BCO1: variants seen among roughly 807,000 people sequenced by gnomAD.
BCO1 encodes the protein beta,beta-carotene 15,15'-dioxygenase.
Under a neutral mutation model 56.3 loss-of-function variants are expected in BCO1, and 54 were observed. The observed-to-expected ratio is 0.96, with a 90% confidence interval of 0.77 to 1.20. BCO1 has a LOEUF of 1.20. Ranked by LOEUF, BCO1 falls within the 50% of genes most tolerant of loss-of-function variation. BCO1 has a pLI of 0.00. For synonymous variants in BCO1, 318 were observed against 266.1 expected (o/e 1.20, Z -1.90); for missense variants, 801 against 690.9 (o/e 1.16, Z -1.79).
At chr16:81,259,161 A>G (rs1282918180) in intron 2 of BCO1, among the ~76,000 whole-genome samples, 1 of 152,182 alleles carries the variant, frequency 6.6e-6, no homozygotes, top group Non-Finnish European at 1.5e-5. Context: ...TTATCCAGCC[A>G]TACTGTTGTG....
chr16:81,283,899 T>C (rs930694384), intron 8 of BCO1, among the ~76,000 whole-genome samples: 1 of 151,710 alleles, frequency 6.6e-6, no homozygotes, highest in African/African-American at 2.4e-5. Context: ...TATATACACA[T>C]TTACGGCCAA....
intron 5 of BCO1, among the ~76,000 whole-genome samples, chr16:81,266,759 G>T (rs1302450251): frequency 6.6e-6 from 1 of 152,156 alleles, no homozygotes; most frequent in African/African-American, 2.4e-5. Context: ...TGCAAGCAGA[G>T]ATCCTCTGAG....
At chr16:81,262,516 C>CA in intron 4 of BCO1, 1 of 526,988 alleles carries the variant, frequency 1.9e-6, no homozygotes, top group South Asian at 1.9e-5. Flanking sequence ...CCAAGTCCTA[C>CA]AAAAAAGATT....
Position 81,285,566 on chromosome 16 carries a change from G to T in BCO1, c.1234G>T (p.Ala412Ser). ...EGLELPRVNY[A>S]HNGKQYRYVF... ...CTTAGAGCTTCCACGGGTCAATTAT[G>T]CTCACAATGGAAAGCAATACCGATA... Residue 412 changes from alanine (A) to serine (S), a missense_variant, in exon 9 of 11, where the codon GCT becomes TCT. Transcript: ENST00000258168. The T allele has an allele frequency of 6.2e-7, 1 of 1,613,730 alleles. No homozygotes were observed. Among genetic ancestry groups the T allele is most frequent in the Non-Finnish European group, 8.5e-7 (1 of 1,179,622 alleles).
At chr16:81,256,523 A>G (rs1179313392) in intron 2 of BCO1, among the ~76,000 whole-genome samples, 2 of 152,194 alleles carry the variant, frequency 1.3e-5, no homozygotes, top group Non-Finnish European at 2.9e-5. Context: ...GTCATTTGCG[A>G]ATTAACAGCA....
In BCO1 at chr16:81,270,177, G is replaced by C; in HGVS notation, c.862G>C (p.Asp288His). The C allele has an allele frequency of 6.2e-7, 1 of 1,614,064 alleles. No individual in the cohort carries two copies. The highest frequency in any genetic ancestry group is 8.5e-7 in the Non-Finnish European group (1 of 1,180,024). Reference protein sequence around the residue: ...REEKTYIHIIDQRTRQPVQTK... With the variant: ...REEKTYIHIIHQRTRQPVQTK... ...TTTTCAGACTTATATCCACATCATC[G>C]ACCAAAGGACCAGGCAGCCTGTGCA... Residue 288 changes from aspartate (D) to histidine (H), a missense_variant, in exon 7 of 11, where the codon GAC becomes CAC. Coordinates refer to ENST00000258168, the MANE Select transcript of BCO1 (RefSeq NM_017429.3).
At chr16:81,279,811 T>C (rs1907761523) in intron 7 of BCO1, among the ~76,000 whole-genome samples, 1 of 152,220 alleles carries the variant, frequency 6.6e-6, no homozygotes, top group Non-Finnish European at 1.5e-5. Context: ...AGAAATGTCC[T>C]TGAAGGCTGT....
intron 8 of BCO1, among the ~76,000 whole-genome samples, chr16:81,283,646 G>A (rs890583601): frequency 1.3e-5 from 2 of 152,046 alleles, no homozygotes; most frequent in African/African-American, 4.8e-5. Flanking sequence ...TCCCTTGGAA[G>A]TTTCATGCTT....
intron 2 of BCO1, among the ~76,000 whole-genome samples, chr16:81,251,029 G>C (rs1905764270): frequency 6.6e-6 from 1 of 152,112 alleles, no homozygotes; most frequent in African/African-American, 2.4e-5. Context: ...CTCTAGCCTG[G>C]CTGCCCAGGC....
At chr16:81,247,248 G>C (rs1437012467) in intron 2 of BCO1, among the ~76,000 whole-genome samples, 1 of 152,132 alleles carries the variant, frequency 6.6e-6, no homozygotes, top group Non-Finnish European at 1.5e-5. Context: ...AAGTCTCTCA[G>C]CCTCAGTTTC....
intron 10 of BCO1, among the ~76,000 whole-genome samples, chr16:81,287,633 G>C (rs1050596652): frequency 2.6e-5 from 4 of 152,152 alleles, no homozygotes; most frequent in Non-Finnish European, 5.9e-5. Flanking sequence ...ATAGCCTTCA[G>C]CTTCAATAAT....
chr16:81,248,813 A>G (rs1597346984), intron 2 of BCO1, among the ~76,000 whole-genome samples: 1 of 152,264 alleles, frequency 6.6e-6, no homozygotes, highest in South Asian at 2.1e-4. Flanking sequence ...GGAGTTCAAG[A>G]CCAGCCTGGC....
intron 1 of BCO1, among the ~76,000 whole-genome samples, chr16:81,242,370 T>G (rs34798987): frequency 0.028 from 4,190 of 152,036 alleles, 83 homozygotes; most frequent in South Asian, 0.051. Context: ...CCAGCTAATT[T>G]TTGTATTTTC....
At chr16:81,253,542 C>G (rs1463009489) in intron 2 of BCO1, among the ~76,000 whole-genome samples, 2 of 152,190 alleles carry the variant, frequency 1.3e-5, no homozygotes, top group African/African-American at 4.8e-5. Flanking sequence ...ACTCCTGGCC[C>G]ATCAGGGCAG....
Position 81,268,469 on chromosome 16 carries a change from C to T in BCO1, c.843+338C>T, listed in dbSNP as rs189516665. ...GGAGAGCTGGGCTCCTCCCCACCTC[C>T]GCCCTGTTGACAAGACCCCTTAACC... On this transcript the variant is annotated intron_variant, in intron 6 of 10. Transcript: ENST00000258168. Among the ~76,000 whole-genome samples, 6 of 152,320 alleles carry T rather than the reference C, an allele frequency of 3.9e-5. No individual in the cohort carries two copies. In the East Asian group the frequency reaches 5.8e-4, roughly 15 times the overall value.
At chr16:81,279,594 A>G (rs1305300634) in intron 7 of BCO1, among the ~76,000 whole-genome samples, 4 of 152,210 alleles carry the variant, frequency 2.6e-5, no homozygotes, top group Admixed American at 6.5e-5. Context: ...AATAACTCAA[A>G]GATGCATATG....
intron 1 of BCO1, among the ~76,000 whole-genome samples, chr16:81,244,183 G>A (rs946719888): frequency 4.6e-5 from 7 of 152,354 alleles, no homozygotes; most frequent in South Asian, 4.1e-4. Context: ...AGGAAGGGAC[G>A]AACGCTGAGA....
chr16:81,285,068 G>A (rs1274081606), intron 8 of BCO1, among the ~76,000 whole-genome samples: 4 of 151,742 alleles, frequency 2.6e-5, no homozygotes, highest in African/African-American at 9.7e-5. Context: ...TCAAACTCCC[G>A]AACTCAAGTG....
At chr16:81,283,943 T>G (rs894444121) in intron 8 of BCO1, among the ~76,000 whole-genome samples, 11 of 151,486 alleles carry the variant, frequency 7.3e-5, no homozygotes, top group African/African-American at 2.4e-4. Context: ...CCCAGCACTT[T>G]GGGAAGCTGA....
Sources: gnomAD v4.1 joint callset for allele counts (sites outside exome capture counted in the v4.1 genomes callset) on GRCh38, gnomAD v4.1.1 for gene constraint, MANE v1.5 for transcripts, NCBI Gene and HGNC (gene_info 2026-07-23, HGNC 2026-07-21) for gene names.